PPOX: variants seen among roughly 807,000 people sequenced by gnomAD.
The protein encoded by PPOX is protoporphyrinogen oxidase.
A neutral mutation model predicts 54.1 loss-of-function variants in PPOX; 23 were observed. The ratio of observed to expected loss-of-function variants is 0.43; its 90% confidence interval spans 0.31 to 0.60. The LOEUF (loss-of-function observed/expected upper bound fraction) is 0.60. Among genes scored for constraint, PPOX ranks in the 20% least tolerant of loss-of-function variants. The pLI is 0.13. For synonymous variants in PPOX, 224 were observed against 236.1 expected, an observed-to-expected ratio of 0.95 and a Z score of 0.47; for missense variants, 512 against 601.1, an observed-to-expected ratio of 0.85 and a Z score of 1.55.
At chr1:161,175,179 A>G (rs754159506), downstream of PPOX, 3 of 1,613,740 alleles carry the variant, frequency 1.9e-6, no homozygotes, top group South Asian at 2.2e-5. Flanking sequence ...TCCGCTCCAC[A>G]ATCTCTGCCA....
rs767487939 is a variant in PPOX at position 161,167,074 on chromosome 1, G to A, written c.88-26G>A. The A allele has an allele frequency of 1.9e-6, 3 of 1,614,142 alleles. No individual in the cohort carries two copies. In the Admixed American group the frequency reaches 5.0e-5, roughly 27 times the overall value. On this transcript the variant is annotated intron_variant, in intron 2 of 12. Coordinates refer to ENST00000367999, the MANE Select transcript of PPOX (RefSeq NM_001122764.3). ...CTCGCCGGCGGCTACAGGCGGTGCT[G>A]CAGTGTCTCTCCCTCTTGTCGCCAG...
intron 4 of PPOX, 59 bp from the exon 5 acceptor site, chr1:161,167,936 G>A (rs1027800836): frequency 8.1e-6 from 13 of 1,609,624 alleles, no homozygotes; most frequent in Admixed American, 1.7e-5. Flanking sequence ...TGACCCCAGC[G>A]CCTGGAGCTG....
chr1:161,177,652 C>T (rs1243336921), downstream of PPOX: 2 of 157,640 alleles, frequency 1.3e-5, no homozygotes, highest in African/African-American at 4.8e-5. Context: ...AGGCGACCCC[C>T]TGGGGAGCGG....
intron 4 of PPOX, 79 bp downstream of exon 4, chr1:161,167,565 T>A: frequency 7.3e-7 from 1 of 1,367,174 alleles, no homozygotes. Context: ...TTCTTTTTTT[T>A]TTTTTTTTTT....
intron 12 of PPOX, 28 bp from the exon 13 acceptor site, chr1:161,171,004 TAA>T: frequency 6.2e-7 from 1 of 1,614,156 alleles, no homozygotes; most frequent in African/African-American, 1.3e-5. Context: ...GACCCCCAGC[TAA>T]AACATTCCTT....
At chr1:161,171,946 GCCCGAGGAC>G (rs776264769), downstream of PPOX, 1 of 1,614,044 alleles carries the variant, frequency 6.2e-7, no homozygotes, top group Admixed American at 1.7e-5. Flanking sequence ...CCCAGAAGGA[GCCCGAGGAC>G]CCCGAGGGTC....
rs1571421522 is a variant in PPOX, at chr1:161,171,021, C to G, written c.1292-13C>G. The G allele has an allele frequency of 6.2e-7, 1 of 1,614,214 alleles. No individual in the cohort carries two copies. The highest frequency in any genetic ancestry group is 8.5e-7 in the Non-Finnish European group (1 of 1,180,030). On this transcript the variant is annotated splice_polypyrimidine_tract_variant and intron_variant, in intron 12 of 12. Transcript: ENST00000367999. ...CCCCCAGCTAAAACATTCCTTTCATCCTTTCCTTCCAGAGTCAGCTAGGCA... is the reference window on the plus strand; with the variant it reads ...CCCCCAGCTAAAACATTCCTTTCATGCTTTCCTTCCAGAGTCAGCTAGGCA...
In PPOX at chr1:161,169,029, A is replaced by C. The variant is rs755877829; in HGVS notation, c.653A>C (p.Gln218Pro). ...TPQPDSALIRQALAERWSQWS... is the reference protein window; with the variant it reads ...TPQPDSALIRPALAERWSQWS... ...CAGCCAGACTCAGCACTCATTCGCC[A>C]GGCCTTGGCTGAGCGCTGGAGCCAG... The change falls in exon 7 of 13, where the codon CAG (glutamine) becomes CCG (proline). Residue 218 changes from glutamine to proline, a missense_variant. Transcript: ENST00000367999. 1 of 1,614,188 alleles carries C rather than the reference A, an allele frequency of 6.2e-7. No homozygotes were observed. The highest frequency in any genetic ancestry group is 8.5e-7 in the Non-Finnish European group (1 of 1,180,042).
chr1:161,166,748 G>A lies in PPOX; in HGVS notation c.-9+76G>A, dbSNP rs781757415. On this transcript the variant is annotated intron_variant, in intron 1 of 12. Transcript: ENST00000367999. ...TGCACACTTAGTTTCCCCTAAAGCAGTGAGTGGCCGGGATAGAACTCAAAA... is the reference window on the plus strand; with the variant it reads ...TGCACACTTAGTTTCCCCTAAAGCAATGAGTGGCCGGGATAGAACTCAAAA... 3 of 1,578,002 alleles carry A rather than the reference G, an allele frequency of 1.9e-6. No individual in the cohort carries two copies. The African/African-American group carries it at 4.0e-5, about 21-fold the overall frequency.
At chr1:161,174,474 G>C (rs568429533), downstream of PPOX, among the ~76,000 whole-genome samples, 1 of 151,920 alleles carries the variant, frequency 6.6e-6, no homozygotes, top group East Asian at 1.9e-4. Context: ...AGGGCAAGGA[G>C]AATGAAAAAG....
downstream of PPOX, chr1:161,175,837 G>A (rs199534932): frequency 1.1e-4 from 181 of 1,614,122 alleles, 3 homozygotes; most frequent in Non-Finnish European, 7.2e-5. Context: ...TGGACAGTAG[G>A]GCAGACCTTG....
At chr1:161,168,679 A>G in intron 6 of PPOX, 103 bp downstream of exon 6, 1 of 1,468,494 alleles carries the variant, frequency 6.8e-7, no homozygotes, top group Non-Finnish European at 9.3e-7. Context: ...CTTTTTTGAG[A>G]CGGAGTCTTG....
At chr1:161,172,434 G>T, downstream of PPOX, 3 of 1,017,400 alleles carry the variant, frequency 2.9e-6, no homozygotes, top group Non-Finnish European at 4.2e-6. Context: ...TACTTAGTAG[G>T]CAAAAGAAAA....
rs764652886 is a variant in PPOX at position 161,170,635 on chromosome 1, T to C, written c.1114T>C (p.Ser372Pro). The change falls in exon 11 of 13, where the codon TCC becomes CCC. Residue 372 changes from serine (S) to proline (P), a missense_variant. Coordinates refer to ENST00000367999, the MANE Select transcript of PPOX (RefSeq NM_001122764.3). ...GLRVTVMLGG[S>P]WLQTLEASGC... The stretch of plus-strand genomic sequence containing the variant: ...CCCTCCTTAGGTGATGCTGGGAGGT[T>C]CCTGGTTACAGACACTGGAGGCTAG... 6.2e-7 allele frequency: 1 copy of C among 1,614,202 alleles called. No individual in the cohort carries two copies. The highest frequency in any genetic ancestry group is 1.7e-5 in the Admixed American group (1 of 60,020).
At chr1:161,175,648 T>C (rs1483275624), downstream of PPOX, among the ~76,000 whole-genome samples, 1 of 152,130 alleles carries the variant, frequency 6.6e-6, no homozygotes, top group Non-Finnish European at 1.5e-5. Flanking sequence ...CTACTCTATC[T>C]CAACCTCAGC....
At chr1:161,176,397 C>G (rs913550971) in intron 4 of PPOX, 1 of 423,262 alleles carries the variant, frequency 2.4e-6, no homozygotes, top group Non-Finnish European at 4.3e-6. Flanking sequence ...CTAGAGAACC[C>G]CCTCTTCCAA....
chr1:161,168,506 C>T lies in PPOX; in HGVS notation c.546C>T (p.Ser182=). 1 of 1,614,186 alleles carries T rather than the reference C, an allele frequency of 6.2e-7. No individual in the cohort carries two copies. Among genetic ancestry groups the T allele is most frequent in the Non-Finnish European group, 8.5e-7 (1 of 1,180,030 alleles). The change falls in exon 6 of 13, where the codon TCC becomes TCT. Residue 182 remains serine (S), a synonymous_variant. Transcript: ENST00000367999. ...ACAGCCGTGAGCTCAGCATCAGGTCCTGCTTTCCCAGTCTCTTCCAAGCTG... is the reference window on the plus strand; with the variant it reads ...ACAGCCGTGAGCTCAGCATCAGGTCTTGCTTTCCCAGTCTCTTCCAAGCTG... ...AGNSRELSIR[S]CFPSLFQAEQ... is the part of the protein sequence containing the mutation.
At chr1:161,171,366 G>A, downstream of PPOX, 1 of 1,004,026 alleles carries the variant, frequency 1.0e-6, no homozygotes, top group Non-Finnish European at 1.5e-6. Flanking sequence ...CCTGAGCCAG[G>A]ACCAGAAGAG....
At chr1:161,169,539 T>C in intron 7 of PPOX, 121 bp from the exon 8 acceptor site, 1 of 1,008,190 alleles carries the variant, frequency 9.9e-7, no homozygotes, top group Non-Finnish European at 1.6e-6. Flanking sequence ...TCATCCTGGG[T>C]CAGTACACAG....
Sources: gnomAD v4.1 joint callset for allele counts (sites outside exome capture counted in the v4.1 genomes callset) on GRCh38, gnomAD v4.1.1 for gene constraint, MANE v1.5 for transcripts, NCBI Gene and HGNC (gene_info 2026-07-23, HGNC 2026-07-21) for gene names.